Variants in AKAP6 observed in about 807,000 individuals in gnomAD.
AKAP6 encodes A-kinase anchoring protein 6.
In AKAP6, 58 loss-of-function variants were observed where a neutral mutation model predicts 188.5. The observed-to-expected ratio is 0.31, with a 90% CI of 0.25 to 0.38. AKAP6 has a LOEUF of 0.38. AKAP6 is among the 10% of genes least tolerant of loss of function. AKAP6 has a pLI of 1.00. For missense variants in AKAP6, 2,710 were observed against 2,740.0 expected (o/e 0.99, Z 0.24); for synonymous variants, 989 against 998.6 (o/e 0.99, Z 0.18).
chr14:32,522,341 A>G (rs1209049826), intron 2 of AKAP6, among the ~76,000 whole-genome samples: 1 of 152,208 alleles, frequency 6.6e-6, no homozygotes, highest in Non-Finnish European at 1.5e-5. Flanking sequence ...GACAAATGGG[A>G]TCTAATTAAA....
At chr14:32,389,100 C>T (rs897822753) in intron 1 of AKAP6, among the ~76,000 whole-genome samples, 1 of 152,130 alleles carries the variant, frequency 6.6e-6, no homozygotes, top group Non-Finnish European at 1.5e-5. Context: ...TAATGTCCCT[C>T]TTTGTCTTTT....
intron 11 of AKAP6, among the ~76,000 whole-genome samples, chr14:32,760,304 AT>A (rs1251348171): frequency 2.6e-5 from 4 of 152,252 alleles, no homozygotes; most frequent in Admixed American, 2.0e-4. Context: ...TCCATCTTAG[AT>A]CACCAGAGGA....
intron 1 of AKAP6, among the ~76,000 whole-genome samples, chr14:32,416,157 C>T (rs1327514143): frequency 6.6e-6 from 1 of 152,154 alleles, no homozygotes; most frequent in Non-Finnish European, 1.5e-5. Context: ...TTTACATTCC[C>T]ACCAACAATG....
intron 11 of AKAP6, among the ~76,000 whole-genome samples, chr14:32,744,113 T>G (rs1245832471): frequency 6.6e-6 from 1 of 152,142 alleles, no homozygotes; most frequent in Non-Finnish European, 1.5e-5. Context: ...CACTTTCTCC[T>G]GGCCTGTAAG....
At chr14:32,472,993 C>T (rs1443937519) in intron 2 of AKAP6, among the ~76,000 whole-genome samples, 2 of 152,174 alleles carry the variant, frequency 1.3e-5, no homozygotes, top group African/African-American at 4.8e-5. Context: ...TGGTTGGATT[C>T]TTTCTCTCTC....
chr14:32,692,990 G>A (rs1393838497), intron 8 of AKAP6, among the ~76,000 whole-genome samples: 1 of 152,030 alleles, frequency 6.6e-6, no homozygotes, highest in Non-Finnish European at 1.5e-5. Flanking sequence ...ACTCTCTTGG[G>A]ATCAATACTC....
intron 12 of AKAP6, among the ~76,000 whole-genome samples, chr14:32,777,757 G>C (rs1169291703): frequency 6.6e-6 from 1 of 152,346 alleles, no homozygotes; most frequent in East Asian, 1.9e-4. Context: ...GAAGGTGGAA[G>C]CTGGGTGCTC....
chr14:32,745,891 G>T (rs1232428599), intron 11 of AKAP6, among the ~76,000 whole-genome samples: 1 of 152,126 alleles, frequency 6.6e-6, no homozygotes, highest in Non-Finnish European at 1.5e-5. Context: ...ACAAGATGCA[G>T]TTCTTCCCAC....
chr14:32,582,545 G>T (rs1885024928), intron 5 of AKAP6, among the ~76,000 whole-genome samples: 1 of 152,142 alleles, frequency 6.6e-6, no homozygotes, highest in Non-Finnish European at 1.5e-5. Context: ...TGCCTTGCTA[G>T]ACTGGGGAAG....
At chr14:32,782,320 G>A (rs2033278544) in intron 12 of AKAP6, among the ~76,000 whole-genome samples, 1 of 151,884 alleles carries the variant, frequency 6.6e-6, no homozygotes, top group Non-Finnish European at 1.5e-5. Context: ...GGAAAAAACA[G>A]AATACTTCTC....
chr14:32,806,616 G>T (rs2034095860), intron 12 of AKAP6, among the ~76,000 whole-genome samples: 1 of 152,148 alleles, frequency 6.6e-6, no homozygotes, highest in African/African-American at 2.4e-5. Context: ...GGCAGAGGTT[G>T]CAGTGAGCCA....
At chr14:32,819,381 A>C (rs1007446193) in intron 12 of AKAP6, among the ~76,000 whole-genome samples, 1 of 152,206 alleles carries the variant, frequency 6.6e-6, no homozygotes, top group Non-Finnish European at 1.5e-5. Flanking sequence ...AAAGTTTGCT[A>C]ACATGCTGCA....
chr14:32,692,317 T>G (rs1276394935), intron 8 of AKAP6, among the ~76,000 whole-genome samples: 2 of 152,166 alleles, frequency 1.3e-5, no homozygotes, highest in African/African-American at 4.8e-5. Context: ...GTGAAAAAAT[T>G]CCCATGCTTC....
At chr14:32,704,070 G>T (rs1890717219) in intron 9 of AKAP6, among the ~76,000 whole-genome samples, 1 of 152,130 alleles carries the variant, frequency 6.6e-6, no homozygotes, top group African/African-American at 2.4e-5. Context: ...GACCTTTCTT[G>T]AATCCTTGGA....
intron 5 of AKAP6, among the ~76,000 whole-genome samples, chr14:32,583,372 G>A (rs937785374): frequency 6.6e-6 from 1 of 152,140 alleles, no homozygotes; most frequent in African/African-American, 2.4e-5. Context: ...AGGAGTACCC[G>A]GCCGTGTGAG....
intron 2 of AKAP6, among the ~76,000 whole-genome samples, chr14:32,465,807 G>A (rs964315903): frequency 6.6e-6 from 1 of 152,162 alleles, no homozygotes; most frequent in Non-Finnish European, 1.5e-5. Flanking sequence ...CTAAGAATGG[G>A]AGAAAATTTT....
intron 9 of AKAP6, among the ~76,000 whole-genome samples, chr14:32,718,809 C>T (rs1330370206): frequency 6.6e-6 from 1 of 152,174 alleles, no homozygotes; most frequent in East Asian, 1.9e-4. Context: ...TATATTTCAA[C>T]AGCTCTCTAT....
intron 1 of AKAP6, among the ~76,000 whole-genome samples, chr14:32,407,498 C>T (rs1292190224): frequency 6.6e-6 from 1 of 152,200 alleles, no homozygotes; most frequent in East Asian, 1.9e-4. Flanking sequence ...CTGGCCCAGT[C>T]TGAAGAGGAA....
At chr14:32,564,573 G>A (rs539121196) in intron 4 of AKAP6, among the ~76,000 whole-genome samples, 1 of 152,318 alleles carries the variant, frequency 6.6e-6, no homozygotes, top group African/African-American at 2.4e-5. Flanking sequence ...AAGGCATTGG[G>A]AGGGTATGTG....
Sources: allele counts gnomAD v4.1 joint callset (sites outside exome capture counted in the v4.1 genomes callset), GRCh38; gene constraint gnomAD v4.1.1; transcripts MANE v1.5; gene names NCBI Gene and HGNC (gene_info 2026-07-23, HGNC 2026-07-21).